The following ZNF180 variants were observed in gnomAD, a reference collection of about 807,000 sequenced individuals.
ZNF180 encodes the protein zinc finger protein 180.
A neutral mutation model predicts 11.8 loss-of-function variants in ZNF180; 11 were observed. The observed-to-expected ratio is 0.93, with a 90% CI of 0.59 to 1.55. The LOEUF (loss-of-function observed/expected upper bound fraction) is 1.55. Ranked by LOEUF, ZNF180 falls within the 40% of genes most tolerant of loss-of-function variation. The pLI is 0.00. For missense variants in ZNF180, 773 were observed against 781.7 expected, an observed-to-expected ratio of 0.99 and a Z score of 0.13; for synonymous variants, 287 against 257.7, an observed-to-expected ratio of 1.11 and a Z score of -1.09.
chr19:44,479,450 T>C, intron 3 of ZNF180, 41 bp from the exon 4 acceptor site: 1 of 1,610,244 alleles, frequency 6.2e-7, no homozygotes, highest in Non-Finnish European at 8.5e-7. Context: ...GGGCATCATT[T>C]CCTTCCAAAG....
intron 1 of ZNF180, among the ~76,000 whole-genome samples, chr19:44,498,231 C>T (rs8108698): frequency 0.085 from 12,884 of 152,094 alleles, 1,802 homozygotes; most frequent in African/African-American, 0.29. Flanking sequence ...GCAGCCCTAC[C>T]CAGGCTCTAA....
chr19:44,499,791 T>C (rs3786496), intron 1 of ZNF180, among the ~76,000 whole-genome samples: 120,946 of 152,044 alleles, frequency 0.8, 48,347 homozygotes, highest in Middle Eastern at 0.92. Context: ...TTGTCTGCTC[T>C]AGGGGCCCAG....
chr19:44,488,609 C>G (rs1425015769), intron 2 of ZNF180, among the ~76,000 whole-genome samples: 1 of 152,018 alleles, frequency 6.6e-6, no homozygotes, highest in Non-Finnish European at 1.5e-5. Context: ...GATCTCGGCT[C>G]GCTACAACCT....
chr19:44,490,064 G>A (rs1381315955), intron 2 of ZNF180, among the ~76,000 whole-genome samples: 48,198 of 111,272 alleles, frequency 0.43, 12,062 homozygotes, highest in South Asian at 0.59. Flanking sequence ...AAGAGGGAAA[G>A]GAAGGGAAAG....
chr19:44,477,415 T>G lies in ZNF180; in HGVS notation c.985A>C (p.Asn329His), dbSNP rs1167731780. 6.2e-7 allele frequency: 1 copy of G among 1,614,108 alleles called. No homozygotes were observed. The highest frequency in any genetic ancestry group is 1.3e-5 in the African/African-American group (1 of 74,946). ...NNSEEKPFEC[N>H]QCGKSFSWSS... is the part of the protein sequence containing the mutation. ...CAGCTGAAGGATTTCCCACACTGAT[T>G]ACATTCAAAAGGTTTCTCTTCAGAA... Residue 329 changes from asparagine (N) to histidine (H), a missense_variant, in exon 5 of 5, where the codon AAT becomes CAT. Transcript: ENST00000592529.
At chr19:44,494,967 G>A (rs1970541462) in intron 2 of ZNF180, among the ~76,000 whole-genome samples, 3 of 152,250 alleles carry the variant, frequency 2.0e-5, no homozygotes, top group South Asian at 4.1e-4. Context: ...CGGACAGACA[G>A]GGAATCTGTG....
At position 44,476,317 on chromosome 19, in the gene ZNF180, A is replaced by G. The variant is rs1392687323; in HGVS notation, c.*85T>C. Reference sequence around the variant, plus strand: ...TTCCCACATATATTGTTTTTATAGTAGTTCTTCCAACTACATGTACTACCT... The same window carrying G: ...TTCCCACATATATTGTTTTTATAGTGGTTCTTCCAACTACATGTACTACCT... On this transcript the variant is annotated 3_prime_UTR_variant, in exon 5 of 5. Coordinates refer to ENST00000592529, the MANE Select transcript of ZNF180 (RefSeq NM_001278509.3). The G allele has an allele frequency of 1.2e-5, 15 of 1,266,766 alleles. No homozygotes were observed. The highest frequency in any genetic ancestry group is 1.6e-5 in the Non-Finnish European group (15 of 932,788). 78.5% of individuals were successfully genotyped at this position (1,266,766 alleles called of 1,614,324 possible).
At position 44,477,039 on chromosome 19, in the gene ZNF180, A is replaced by T. The variant is rs756705406; in HGVS notation, c.1361T>A (p.Ile454Asn). ...CCCAGTATGAATTCTTTGATGTGCA[A>T]TAAGTTTATAGCTCTGGATAAATGA... ...GKSFIQSYKL[I>N]AHQRIHTGEK... Residue 454 changes from isoleucine to asparagine, a missense_variant, in exon 5 of 5, where the codon ATT becomes AAT. By Grantham distance (149) the Ile-to-Asn change is moderately radical. Coordinates refer to ENST00000592529, the MANE Select transcript of ZNF180 (RefSeq NM_001278509.3). 8.1e-6 allele frequency: 13 copies of T among 1,613,872 alleles called. No homozygotes were observed. Among genetic ancestry groups the T allele is most frequent in the Admixed American group, 1.7e-5 (1 of 59,990 alleles).
At position 44,497,274 on chromosome 19, in the gene ZNF180, C is replaced by G. The variant is rs1448001829; in HGVS notation, c.51+10G>C. 1 of 1,558,352 alleles carries G rather than the reference C, an allele frequency of 6.4e-7. No homozygotes were observed. The highest frequency in any genetic ancestry group is 1.2e-5 in the South Asian group (1 of 83,832). On this transcript the variant is annotated intron_variant, in intron 2 of 4. Coordinates refer to ENST00000592529, the MANE Select transcript of ZNF180 (RefSeq NM_001278509.3). ...CTGCAGACAGACCCAAGCTCTGGGTCTCCACTCACCTGTGCACAGACCTTC... is the reference window on the plus strand; with the variant it reads ...CTGCAGACAGACCCAAGCTCTGGGTGTCCACTCACCTGTGCACAGACCTTC...
Position 44,497,207 on chromosome 19 carries a change from A to G in ZNF180, c.51+77T>C, listed in dbSNP as rs1366464056. 5.3e-6 allele frequency: 7 copies of G among 1,330,568 alleles called. No homozygotes were observed. In the Admixed American group the frequency reaches 2.1e-4, roughly 39 times the overall value. 82.4% of individuals were successfully genotyped at this position (1,330,568 alleles called of 1,614,324 possible). ...AAACCCCCTAAAAGGCTGCAAAGAG[A>G]GTCAGGGAGGAGCCACAGCCTCCCA... On this transcript the variant is annotated intron_variant, in intron 2 of 4. Coordinates refer to ENST00000592529, the MANE Select transcript of ZNF180 (RefSeq NM_001278509.3).
At position 44,477,870 on chromosome 19, in the gene ZNF180, CTG is replaced by C; in HGVS notation, c.528_529del (p.Leu178IlefsTer14). ...GGGTATAACTGGGGATGAAAATAGA[CTG>C]GAATTCAGACCACTCTTCTCCCCAG... is the stretch of plus-strand genomic sequence containing the variant. On this transcript the variant is annotated frameshift_variant, in exon 5 of 5. Coordinates refer to ENST00000592529, the MANE Select transcript of ZNF180 (RefSeq NM_001278509.3). LOFTEE classifies it low-confidence loss of function (END_TRUNC). The C allele has an allele frequency of 6.2e-7, 1 of 1,613,898 alleles. No homozygotes were observed. Among genetic ancestry groups the C allele is most frequent in the Non-Finnish European group, 8.5e-7 (1 of 1,180,002 alleles).
In ZNF180 at chr19:44,500,390, C is replaced by T. The variant is rs903373006; in HGVS notation, c.-159G>A. ...AACCCCCTGCCCCGATTCTGCAACA[C>T]GGCCGACTCGGGTTAAGCTAGTTCG... On this transcript the variant is annotated 5_prime_UTR_variant, in exon 1 of 5. In the 5' UTR this introduces an upstream ATG that the reference lacks. Coordinates refer to ENST00000592529, the MANE Select transcript of ZNF180 (RefSeq NM_001278509.3). 2.4e-5 allele frequency: 22 copies of T among 911,128 alleles called. No homozygotes were observed. In the Admixed American group the frequency reaches 3.8e-4, roughly 16 times the overall value. The allele number at this position is 911,128 out of a possible 1,614,324, so 56.4% of individuals were successfully genotyped here. A position where few individuals can be genotyped will look rare whatever the true frequency, so the allele number is the denominator to read the frequency against.
Position 44,495,769 on chromosome 19 carries a change from T to C in ZNF180, c.51+1515A>G, listed in dbSNP as rs1970564131. On this transcript the variant is annotated intron_variant, in intron 2 of 4. Transcript: ENST00000592529. This position sits in a 1 kb window ranked among gnomAD's most constrained non-coding sequence, Gnocchi z 4.5. Reference sequence around the variant, plus strand: ...TGCACAAGCGACTTCTTCATTCCACTTGGGCTCTGACTATGCTGGGATGTC... The same window carrying C: ...TGCACAAGCGACTTCTTCATTCCACCTGGGCTCTGACTATGCTGGGATGTC... Among the ~76,000 whole-genome samples the C allele has an allele frequency of 1.3e-5, 2 of 152,000 alleles. No homozygotes were observed.
intron 2 of ZNF180, 47 bp downstream of exon 2, chr19:44,497,237 G>A: frequency 6.7e-7 from 1 of 1,498,042 alleles, no homozygotes; most frequent in Non-Finnish European, 8.9e-7. Context: ...CTCCCAAGCT[G>A]AGAGGGTCAG....
At chr19:44,489,448 T>C (rs1485967462) in intron 2 of ZNF180, among the ~76,000 whole-genome samples, 2 of 137,362 alleles carry the variant, frequency 1.5e-5, no homozygotes, top group Admixed American at 1.6e-4. Context: ...CCCCCAACCC[T>C]GTGCTCTCTG....
In ZNF180 at chr19:44,500,374, C is replaced by T; in HGVS notation, c.-143G>A. ...CGAACTCGGGTTAGGCAACCCCCTG[C>T]CCCGATTCTGCAACACGGCCGACTC... is the stretch of plus-strand genomic sequence containing the variant. On this transcript the variant is annotated 5_prime_UTR_variant, in exon 1 of 5. Transcript: ENST00000592529. The T allele has an allele frequency of 8.9e-7, 1 of 1,128,612 alleles. No individual in the cohort carries two copies. Among genetic ancestry groups the T allele is most frequent in the Non-Finnish European group, 1.3e-6 (1 of 763,346 alleles). The allele number at this position is 1,128,612 out of a possible 1,614,324, so 69.9% of individuals were successfully genotyped here.
chr19:44,476,377 G>T lies in ZNF180; in HGVS notation c.*25C>A. 6.6e-7 allele frequency: 1 copy of T among 1,520,588 alleles called. No homozygotes were observed. The highest frequency in any genetic ancestry group is 8.8e-7 in the Non-Finnish European group (1 of 1,136,880). The allele number at this position is 1,520,588 out of a possible 1,614,324, so 94.2% of individuals were successfully genotyped here. On this transcript the variant is annotated 3_prime_UTR_variant, in exon 5 of 5. Coordinates refer to ENST00000592529, the MANE Select transcript of ZNF180 (RefSeq NM_001278509.3). ...TTTTTTAAAAGAATGAAATAAAAAG[G>T]AAGAAATCCCAGCTGATTTACAAAC...
chr19:44,488,845 G>A (rs1164564060), intron 2 of ZNF180, among the ~76,000 whole-genome samples: 23 of 151,784 alleles, frequency 1.5e-4, no homozygotes, highest in Non-Finnish European at 2.4e-4. Context: ...CCGCAACCCC[G>A]TCTGGGAGGT....
At chr19:44,491,022 G>T (rs1362887726) in intron 2 of ZNF180, among the ~76,000 whole-genome samples, 2 of 152,172 alleles carry the variant, frequency 1.3e-5, no homozygotes, top group African/African-American at 4.8e-5. Context: ...ACTAGAGTGA[G>T]TTTCATAAGA....
Sources: allele counts gnomAD v4.1 joint callset (sites outside exome capture counted in the v4.1 genomes callset), GRCh38; gene constraint gnomAD v4.1.1; non-coding constraint Gnocchi (gnomAD v3.1); transcripts MANE v1.5; gene names NCBI Gene and HGNC (gene_info 2026-07-23, HGNC 2026-07-21).